HTR3E: variants seen among roughly 807,000 people sequenced by gnomAD.
HTR3E encodes 5-hydroxytryptamine (serotonin) receptor 3, family member E.
A neutral mutation model predicts 38.0 loss-of-function variants in HTR3E; 38 were observed. The observed-to-expected ratio is 1.00, with a 90% CI of 0.77 to 1.31. The LOEUF (loss-of-function observed/expected upper bound fraction) is 1.31. Among genes scored for constraint, HTR3E ranks in the 50% most tolerant of loss-of-function variants. The pLI is 0.00. For missense variants in HTR3E, 547 were observed against 585.2 expected (o/e 0.93, Z 0.67); for synonymous variants, 210 against 232.9 (o/e 0.90, Z 0.89).
intron 3 of HTR3E, among the ~76,000 whole-genome samples, chr3:184,102,648 G>T (rs1167004281): frequency 6.6e-6 from 1 of 151,726 alleles, no homozygotes; most frequent in Non-Finnish European, 1.5e-5. Context: ...AAAAAAGCTG[G>T]GCACAGTGGC....
intron 3 of HTR3E, among the ~76,000 whole-genome samples, chr3:184,102,193 T>G (rs1290770865): frequency 6.6e-6 from 1 of 152,092 alleles, no homozygotes. Flanking sequence ...CCAGGCAGAG[T>G]GGCGCATGCC....
In HTR3E at chr3:184,106,631, C is replaced by T. The variant is rs370963554; in HGVS notation, c.1309C>T (p.Arg437Cys). The T allele has an allele frequency of 3.6e-5, 58 of 1,614,040 alleles. No individual in the cohort carries two copies. The highest frequency in any genetic ancestry group is 1.6e-4 in the Middle Eastern group (1 of 6,084). Residue 437 changes from arginine (R) to cysteine (C), a missense_variant, in exon 9 of 9, where the codon CGC (arginine) becomes TGC (cysteine). Coordinates refer to ENST00000415389, the MANE Select transcript of HTR3E (RefSeq NM_001256613.2). This position sits in a 1 kb window ranked among gnomAD's most constrained non-coding sequence, Gnocchi z 4.1. ...FSHAMDAMLF[R>C]LYLLFMASSI... is the part of the protein sequence containing the mutation. ...CCACGCGATGGACGCCATGCTCTTC[C>T]GCCTCTACCTGCTCTTCATGGCCTC...
intron 3 of HTR3E, among the ~76,000 whole-genome samples, chr3:184,102,630 A>AT (rs1362814268): frequency 2.3e-5 from 3 of 130,090 alleles, no homozygotes; most frequent in Non-Finnish European, 3.2e-5. Flanking sequence ...TAAAGTATAT[A>AT]AAAAAAAAAA....
Position 184,106,977 on chromosome 3 carries a change from A to G in HTR3E, c.*284A>G, listed in dbSNP as rs559558912. ...CCTCTTCTGTCCGCTGACTTGCCCA[A>G]TAAATAATTCTGCAGAGATTTCTGG... On this transcript the variant is annotated 3_prime_UTR_variant, in exon 9 of 9. Transcript: ENST00000415389. The surrounding 1 kb of genome is among the most constrained non-coding windows in gnomAD (Gnocchi z 4.1). 1.1e-4 allele frequency: 41 copies of G among 356,592 alleles called. No homozygotes were observed. The highest frequency in any genetic ancestry group is 1.5e-4 in the Non-Finnish European group (29 of 197,862). 22.1% of individuals were successfully genotyped at this position (356,592 alleles called of 1,614,324 possible). A position where few individuals can be genotyped will look rare whatever the true frequency, so the allele number is the denominator to read the frequency against.
At chr3:184,100,722 C>G (rs1365321835) in intron 2 of HTR3E, 71 bp downstream of exon 2, 10 of 1,561,682 alleles carry the variant, frequency 6.4e-6, no homozygotes, top group Non-Finnish European at 7.8e-6. Context: ...AGTGGCCCCC[C>G]AAAGCCCTTA....
chr3:184,101,990 A>AAAAAC (rs199969600), intron 3 of HTR3E, among the ~76,000 whole-genome samples: 5,471 of 152,262 alleles, frequency 0.036, 151 homozygotes, highest in East Asian at 0.082. Context: ...ACTCTATCTC[A>AAAAAC]AAAACAAAAC....
chr3:184,101,584 C>G, intron 3 of HTR3E, 55 bp downstream of exon 3: 1 of 1,374,426 alleles, frequency 7.3e-7, no homozygotes, highest in Non-Finnish European at 1.0e-6. Context: ...GGATTTTAAA[C>G]GAAGATATAA....
Position 184,097,454 on chromosome 3 carries a change from G to GGT in HTR3E, c.-72_-71dup, listed in dbSNP as rs1233421079. 2 of 1,003,208 alleles carry GGT rather than the reference G, an allele frequency of 2.0e-6. No individual in the cohort carries two copies. Among genetic ancestry groups the GGT allele is most frequent in the African/African-American group, 3.2e-5 (2 of 62,454 alleles). The allele number at this position is 1,003,208 out of a possible 1,614,324, so 62.1% of individuals were successfully genotyped here. On this transcript the variant is annotated 5_prime_UTR_variant, in exon 1 of 9. Transcript: ENST00000415389. ...TATTAGTATTCAAAGTCAGACTCTA[G>GGT]GTGTGGCCTGTGCTGCTTTAATCTG...
Position 184,104,914 on chromosome 3 carries a change from C to T in HTR3E, c.517C>T (p.Gln173Ter), listed in dbSNP as rs1712326866. 1 of 1,613,962 alleles carries T rather than the reference C, an allele frequency of 6.2e-7. No homozygotes were observed. ...GGACATCTTCTACTTCCCCTTCGACCAGCAGAACTGCACACTCACCTTCAG... is the reference window on the plus strand; with the variant it reads ...GGACATCTTCTACTTCCCCTTCGACTAGCAGAACTGCACACTCACCTTCAG... ...NLDIFYFPFD[Q>*]QNCTLTFSSF... is the part of the protein sequence containing the mutation. Residue 173 changes from glutamine to a stop codon, truncating the protein, a stop_gained, in exon 5 of 9, where the codon CAG becomes TAG. Coordinates refer to ENST00000415389, the MANE Select transcript of HTR3E (RefSeq NM_001256613.2). LOFTEE classifies it high-confidence loss of function.
chr3:184,105,317 G>A lies in HTR3E; in HGVS notation c.610G>A (p.Ala204Thr), dbSNP rs371514444. 3.9e-5 allele frequency: 63 copies of A among 1,613,944 alleles called. 1 individual carries two copies. The highest frequency in any genetic ancestry group is 1.3e-4 in the African/African-American group (10 of 74,910). The change falls in exon 6 of 9, where the codon GCA (alanine) becomes ACA (threonine). Residue 204 changes from alanine to threonine, a missense_variant. By Grantham distance (58) the Ala-to-Thr change is moderately conservative. Transcript: ENST00000415389. ...MEKEVWEITD[A>T]SRNILQTHGE... ...GAAAGAAGTGTGGGAAATAACAGAC[G>A]CATCCCGGAACATCCTTCAGACCCA...
In HTR3E at chr3:184,100,470, C is replaced by G. The variant is rs202036764; in HGVS notation, c.68-15C>G. On this transcript the variant is annotated splice_polypyrimidine_tract_variant and intron_variant, in intron 1 of 8. Transcript: ENST00000415389. ...GTTGCTCTCCTTCATCTCACACATT[C>G]GATGTCCACTACAGGAAGGGGCGTT... The G allele has an allele frequency of 2.5e-6, 4 of 1,614,042 alleles. No homozygotes were observed. The highest frequency in any genetic ancestry group is 3.4e-6 in the Non-Finnish European group (4 of 1,180,034).
At chr3:184,099,468 A>ATGGTGG (rs1429213924) in intron 1 of HTR3E, among the ~76,000 whole-genome samples, 1 of 152,158 alleles carries the variant, frequency 6.6e-6, no homozygotes, top group East Asian at 1.9e-4. Flanking sequence ...TAATCCCAGC[A>ATGGTGG]CTTTGGGAGG....
rs1458616188 is a variant in HTR3E, at chr3:184,100,610, C to A, written c.193C>A (p.Gln65Lys). The change falls in exon 2 of 9, where the codon CAA becomes AAA. Residue 65 changes from glutamine to lysine, a missense_variant. Gln to Lys is a moderately conservative substitution (Grantham distance 53). Transcript: ENST00000415389. Reference sequence around the variant, plus strand: ...GGTCACCAACATCAGCGTCCCCACCCAAGTCAACATCTCCTTCGCGATGTC... The same window carrying A: ...GGTCACCAACATCAGCGTCCCCACCAAAGTCAACATCTCCTTCGCGATGTC... The part of the protein sequence containing the change: ...RPVTNISVPT[Q>K]VNISFAMSAI... 6.2e-7 allele frequency: 1 copy of A among 1,614,076 alleles called. No individual in the cohort carries two copies. Among genetic ancestry groups the A allele is most frequent in the Admixed American group, 1.7e-5 (1 of 60,018 alleles).
Position 184,105,914 on chromosome 3 carries a change from C to G in HTR3E, c.870C>G (p.Asn290Lys). The change falls in exon 7 of 9, where the codon AAC (asparagine) becomes AAG (lysine). Residue 290 changes from asparagine (N) to lysine (K), a missense_variant. Transcript: ENST00000415389. The part of the protein sequence containing the change: ...PFKITLLLGY[N>K]VFLLMMSDLL... ...AGATAACGCTCCTGCTGGGCTACAA[C>G]GTCTTCCTGCTCATGATGAGTGACT... 9.3e-6 allele frequency: 15 copies of G among 1,614,180 alleles called. No homozygotes were observed. The highest frequency in any genetic ancestry group is 1.3e-5 in the Non-Finnish European group (15 of 1,180,034).
In HTR3E at chr3:184,105,442, T is replaced by A. The variant is rs1712367624; in HGVS notation, c.720+15T>A. 6.3e-7 allele frequency: 1 copy of A among 1,583,096 alleles called. No individual in the cohort carries two copies. The highest frequency in any genetic ancestry group is 2.2e-5 in the East Asian group (1 of 44,542). ...TCGTGTTCTATGTGAGCTTGGAGGC[T>A]CTTACTCTTTCCTTCCTCCCGCACT... is the stretch of plus-strand genomic sequence containing the variant. On this transcript the variant is annotated intron_variant, in intron 6 of 8. Transcript: ENST00000415389.
At chr3:184,105,077 C>T (rs894322724) in intron 5 of HTR3E, 121 bp downstream of exon 5, 8 of 1,178,020 alleles carry the variant, frequency 6.8e-6, no homozygotes, top group Admixed American at 2.7e-5. Context: ...TCTATGGATG[C>T]TAAAATATTT....
intron 1 of HTR3E, among the ~76,000 whole-genome samples, chr3:184,098,818 C>T (rs1445688969): frequency 3.3e-5 from 5 of 151,600 alleles, no homozygotes; most frequent in African/African-American, 4.9e-5. Context: ...CTGAGGCAGG[C>T]GGATCACCTG....
intron 1 of HTR3E, among the ~76,000 whole-genome samples, chr3:184,098,627 C>T (rs1397813769): frequency 1.3e-5 from 2 of 152,114 alleles, no homozygotes; most frequent in South Asian, 2.1e-4. Flanking sequence ...AGCACTGTGA[C>T]GTTGGGAATG....
rs769256786 is a variant in HTR3E at position 184,105,426 on chromosome 3, A to C, written c.719A>C (p.Tyr240Ser). 1.9e-6 allele frequency: 3 copies of C among 1,602,050 alleles called. No homozygotes were observed. The highest frequency in any genetic ancestry group is 1.8e-5 in the Admixed American group (1 of 56,876). The stretch of plus-strand genomic sequence containing the variant: ...AACCTGTATGATCAGATCGTGTTCT[A>C]TGTGAGCTTGGAGGCTCTTACTCTT... ...GGNLYDQIVF[Y>S]VAIRRRPSLY... is the part of the protein sequence containing the mutation. The change falls in exon 6 of 9, where the codon TAT (tyrosine) becomes TCT (serine). Residue 240 changes from tyrosine (Y) to serine (S), a missense_variant and splice_region_variant. Tyr to Ser is a moderately radical substitution (Grantham distance 144, BLOSUM62 -2). Transcript: ENST00000415389.
Sources: gnomAD v4.1 joint callset for allele counts (sites outside exome capture counted in the v4.1 genomes callset) on GRCh38, gnomAD v4.1.1 for gene constraint, Gnocchi (gnomAD v3.1) non-coding constraint, MANE v1.5 for transcripts, NCBI Gene and HGNC (gene_info 2026-07-23, HGNC 2026-07-21) for gene names.